ARHGEF12: variants seen among roughly 807,000 people sequenced by gnomAD.
ARHGEF12 encodes Rho guanine nucleotide exchange factor 12, also known as KMT2A/ARHGEF12 fusion protein.
A neutral mutation model predicts 211.2 loss-of-function variants in ARHGEF12; 66 were observed. The observed-to-expected ratio is 0.31, with a 90% confidence interval of 0.26 to 0.38. ARHGEF12 has a LOEUF of 0.38. ARHGEF12 is among the 10% of genes least tolerant of loss of function. ARHGEF12 has a pLI of 1.00. For synonymous variants in ARHGEF12, 592 were observed against 638.4 expected (o/e 0.93, Z 1.09); for missense variants, 1,429 against 1,869.5 (o/e 0.76, Z 4.34).
At chr11:120,416,452 G>A (rs1945028392) in intron 4 of ARHGEF12, among the ~76,000 whole-genome samples, 1 of 152,044 alleles carries the variant, frequency 6.6e-6, no homozygotes, top group Admixed American at 6.5e-5. Flanking sequence ...TCTGTAAGAG[G>A]GGCACCTAAC....
chr11:120,473,457 C>T (rs1457774581), intron 31 of ARHGEF12, among the ~76,000 whole-genome samples: 1 of 152,194 alleles, frequency 6.6e-6, no homozygotes, highest in Non-Finnish European at 1.5e-5. Flanking sequence ...GGCTGGAATG[C>T]AGTGGTGCAG....
Position 120,485,759 on chromosome 11 carries a change from C to T in ARHGEF12, c.*682C>T, listed in dbSNP as rs535189853. 4.3e-5 allele frequency: 10 copies of T among 233,624 alleles called. No individual in the cohort carries two copies. The highest frequency in any genetic ancestry group is 2.0e-4 in the African/African-American group (9 of 45,448). 14.5% of individuals were successfully genotyped at this position (233,624 alleles called of 1,614,324 possible). ...TGTGGTCAGAGAGTGGATGGGCTTC[C>T]TCCCGCCCTGAGGCAAGCACCTCTT... On this transcript the variant is annotated 3_prime_UTR_variant, in exon 41 of 41. Transcript: ENST00000397843.
At chr11:120,475,817 T>C (rs1438870145) in intron 33 of ARHGEF12, among the ~76,000 whole-genome samples, 1 of 152,168 alleles carries the variant, frequency 6.6e-6, no homozygotes, top group Non-Finnish European at 1.5e-5. Context: ...TTTTTTGATT[T>C]GGTGAGAAAA....
chr11:120,467,994 C>G (rs1438424156), intron 29 of ARHGEF12, among the ~76,000 whole-genome samples: 4 of 152,176 alleles, frequency 2.6e-5, no homozygotes, highest in African/African-American at 9.7e-5. Flanking sequence ...GTAAAATTAT[C>G]TGGTTCAACC....
chr11:120,382,496 G>A (rs1469542123), intron 1 of ARHGEF12, among the ~76,000 whole-genome samples: 1 of 152,220 alleles, frequency 6.6e-6, no homozygotes, highest in East Asian at 1.9e-4. Flanking sequence ...AACCTTCACA[G>A]ACATGTATTT....
intron 28 of ARHGEF12, 125 bp from the exon 29 acceptor site, chr11:120,467,069 G>A (rs1364971912): frequency 5.0e-6 from 3 of 604,862 alleles, no homozygotes; most frequent in East Asian, 2.9e-5. Flanking sequence ...ATATATCTTG[G>A]CATTTTTTAA....
In ARHGEF12 at chr11:120,459,209, C is replaced by T. The variant is rs780494600; in HGVS notation, c.2416C>T (p.Leu806=). Residue 806 remains leucine (L), a synonymous_variant, in exon 26 of 41, where the codon CTG becomes TTG. Coordinates refer to ENST00000397843, the MANE Select transcript of ARHGEF12 (RefSeq NM_015313.3). ...FYTERAHVRT[L]KVLDQVFYQR... ...CACTGAAAGAGCTCATGTTCGAACA[C>T]TGAAGGTTCTTGATCAAGTGTTCTA... is the stretch of plus-strand genomic sequence containing the variant. 3.7e-5 allele frequency: 59 copies of T among 1,613,330 alleles called. No individual in the cohort carries two copies. Among genetic ancestry groups the T allele is most frequent in the Non-Finnish European group, 4.9e-5 (58 of 1,179,726 alleles).
At chr11:120,431,161 A>C (rs921660078) in intron 10 of ARHGEF12, among the ~76,000 whole-genome samples, 1 of 152,168 alleles carries the variant, frequency 6.6e-6, no homozygotes, top group African/African-American at 2.4e-5. Context: ...TTGGTGGTGC[A>C]TGCCTGTAAT....
At chr11:120,351,264 A>G (rs547064684) in intron 1 of ARHGEF12, among the ~76,000 whole-genome samples, 5 of 135,812 alleles carry the variant, frequency 3.7e-5, no homozygotes, top group African/African-American at 1.1e-4. Flanking sequence ...GGAGAATGGC[A>G]TGAACCCGGG....
At position 120,485,642 on chromosome 11, in the gene ARHGEF12, G is replaced by A. The variant is rs963688393; in HGVS notation, c.*565G>A. Reference sequence around the variant, plus strand: ...GAGGAGCACCTTGCTTCACTATACAGTATTCCAAGCTCTCTGCTGTCCAGT... The same window carrying A: ...GAGGAGCACCTTGCTTCACTATACAATATTCCAAGCTCTCTGCTGTCCAGT... On this transcript the variant is annotated 3_prime_UTR_variant, in exon 41 of 41. Coordinates refer to ENST00000397843, the MANE Select transcript of ARHGEF12 (RefSeq NM_015313.3). 3 of 234,644 alleles carry A rather than the reference G, an allele frequency of 1.3e-5. No homozygotes were observed. Among genetic ancestry groups the A allele is most frequent in the East Asian group, 6.0e-5 (1 of 16,618 alleles). The allele number at this position is 234,644 out of a possible 1,614,324, so 14.5% of individuals were successfully genotyped here. A position where few individuals can be genotyped will look rare whatever the true frequency, so the allele number is the denominator to read the frequency against.
rs1050777825 is a variant in ARHGEF12, at chr11:120,486,296, G to A, written c.*1219G>A. Reference sequence around the variant, plus strand: ...CAAGGGTGGAGTGGAAAAAGATATGGTGAAGGCAGAACTGCTCACACCAGC... The same window carrying A: ...CAAGGGTGGAGTGGAAAAAGATATGATGAAGGCAGAACTGCTCACACCAGC... On this transcript the variant is annotated 3_prime_UTR_variant, in exon 41 of 41. Transcript: ENST00000397843. 1.7e-5 allele frequency: 4 copies of A among 233,238 alleles called. No homozygotes were observed. Among genetic ancestry groups the A allele is most frequent in the Non-Finnish European group, 3.4e-5 (4 of 117,848 alleles). 14.4% of individuals were successfully genotyped at this position (233,238 alleles called of 1,614,324 possible).
intron 1 of ARHGEF12, among the ~76,000 whole-genome samples, chr11:120,360,575 A>ATCATTTT (rs1943251013): frequency 6.6e-6 from 1 of 152,048 alleles, no homozygotes; most frequent in Non-Finnish European, 1.5e-5. Flanking sequence ...TATTTTTTGT[A>ATCATTTT]GAGATGAGGT....
At position 120,421,865 on chromosome 11, in the gene ARHGEF12, C is replaced by CT; in HGVS notation, c.348+14dup. The stretch of plus-strand genomic sequence containing the variant: ...TCGAATCATCAAGGTAAGGAATAGG[C>CT]TATTATAGAATTTACGGTAGGATTA... On this transcript the variant is annotated intron_variant, in intron 6 of 40. Transcript: ENST00000397843. 1.2e-6 allele frequency: 2 copies of CT among 1,600,660 alleles called. No individual in the cohort carries two copies. The highest frequency in any genetic ancestry group is 1.7e-6 in the Non-Finnish European group (2 of 1,171,280).
In ARHGEF12 at chr11:120,405,719, C is replaced by T. The variant is rs564924507; in HGVS notation, c.33-399C>T. Among the ~76,000 whole-genome samples, 6 of 151,944 alleles carry T rather than the reference C, an allele frequency of 3.9e-5. No homozygotes were observed. In the South Asian group the frequency reaches 1.2e-3, roughly 32 times the overall value. ...TTAATGGCAAAATATTTCTTTTTGT[C>T]TTGATTTTTAAAAATCTATAAAATG... On this transcript the variant is annotated intron_variant, in intron 1 of 40. Coordinates refer to ENST00000397843, the MANE Select transcript of ARHGEF12 (RefSeq NM_015313.3).
In ARHGEF12 at chr11:120,457,240, G is replaced by A; in HGVS notation, c.2179G>A (p.Glu727Lys). 6.2e-7 allele frequency: 1 copy of A among 1,613,978 alleles called. No homozygotes were observed. The highest frequency in any genetic ancestry group is 1.1e-5 in the South Asian group (1 of 91,042). ...AGACCAAGTGCAGGAGGAGGAATGT[G>A]AAGTAGAAAGGTAATTCAGTGATCT... is the stretch of plus-strand genomic sequence containing the variant. ...PLDQVQEEEC[E>K]VERVTEHGTP... Residue 727 changes from glutamate to lysine, a missense_variant, in exon 23 of 41, where the codon GAA becomes AAA. Physicochemically the swap from Glu to Lys is moderately conservative, Grantham distance 56. Around this residue, in one of 7 missense-constraint regions of ARHGEF12, gnomAD observed 373 missense variants for 467.5 expected, o/e 0.80. Transcript: ENST00000397843.
chr11:120,442,350 T>C (rs1439522346), intron 15 of ARHGEF12, 148 bp downstream of exon 15: 10 of 544,798 alleles, frequency 1.8e-5, no homozygotes, highest in Non-Finnish European at 3.1e-5. Flanking sequence ...TCTAGACTTT[T>C]TTTTTTTTAT....
At chr11:120,404,528 T>G (rs752889921) in intron 1 of ARHGEF12, among the ~76,000 whole-genome samples, 28 of 152,170 alleles carry the variant, frequency 1.8e-4, no homozygotes, top group Admixed American at 5.9e-4. Flanking sequence ...GTGGGCGTGG[T>G]CCTTGTTCAT....
intron 13 of ARHGEF12, among the ~76,000 whole-genome samples, chr11:120,441,269 G>A (rs957812010): frequency 2.6e-5 from 4 of 151,970 alleles, no homozygotes; most frequent in African/African-American, 9.7e-5. Context: ...TATATTTAGG[G>A]ATTATACAAA....
Position 120,429,812 on chromosome 11 carries a change from A to T in ARHGEF12, c.764A>T (p.Lys255Ile). The T allele has an allele frequency of 6.2e-7, 1 of 1,613,806 alleles. No homozygotes were observed. Among genetic ancestry groups the T allele is most frequent in the Non-Finnish European group, 8.5e-7 (1 of 1,179,842 alleles). Residue 255 changes from lysine (K) to isoleucine (I), a missense_variant, in exon 10 of 41, where the codon AAA becomes ATA. Physicochemically the swap from Lys to Ile is moderately radical, Grantham distance 102. This residue lies in a region of ARHGEF12 where 254 missense variants were observed against 286.4 expected (regional missense o/e 0.89). Coordinates refer to ENST00000397843, the MANE Select transcript of ARHGEF12 (RefSeq NM_015313.3). ...CCTCAGCTGCAAGAGCAGTTATCCAAAGCCACAGGCTCTGCTCAGGTAGCA... is the reference window on the plus strand; with the variant it reads ...CCTCAGCTGCAAGAGCAGTTATCCATAGCCACAGGCTCTGCTCAGGTAGCA... The part of the protein sequence containing the change: ...HIPQLQEQLS[K>I]ATGSAQDGAV...
Sources: allele counts gnomAD v4.1 joint callset (sites outside exome capture counted in the v4.1 genomes callset), GRCh38; gene constraint gnomAD v4.1.1; regional missense constraint gnomAD v4.1.1; transcripts MANE v1.5; gene names NCBI Gene and HGNC (gene_info 2026-07-23, HGNC 2026-07-21).